Variants in LAT2 observed in about 807,000 individuals in gnomAD.
The protein encoded by LAT2 is linker for activation of T-cells family member 2.
LAT2 carries 23 observed loss-of-function variants against 43.4 expected under a neutral mutation model. That is an observed-to-expected ratio of 0.53 (90% CI 0.38 to 0.75). The LOEUF is 0.75. Ranked by LOEUF, LAT2 falls within the 30% of genes least tolerant of loss-of-function variation. LAT2 has a pLI of 0.00. For missense variants in LAT2, 284 were observed against 310.2 expected, an observed-to-expected ratio of 0.92 and a Z score of 0.64; for synonymous variants, 128 against 123.2, an observed-to-expected ratio of 1.04 and a Z score of -0.26.
intron 3 of LAT2, 86 bp downstream of exon 3, chr7:74,216,155 T>G (rs1584214220): frequency 8.7e-7 from 1 of 1,148,380 alleles, no homozygotes; most frequent in Non-Finnish European, 1.2e-6. Context: ...GTGGCTGTGG[T>G]CAGAAGAGGT....
chr7:74,224,299 G>C (rs1198644526), intron 12 of LAT2, 102 bp downstream of exon 12: 27 of 1,258,392 alleles, frequency 2.1e-5, no homozygotes, highest in Non-Finnish European at 2.9e-5. Context: ...AGCCAGTCCA[G>C]CTAACCCCGC....
At chr7:74,213,734 C>A (rs1178093351) in intron 1 of LAT2, among the ~76,000 whole-genome samples, 2 of 152,058 alleles carry the variant, frequency 1.3e-5, no homozygotes, top group African/African-American at 4.8e-5. Flanking sequence ...GAGCTCCTCC[C>A]TTTTAAGTCC....
Position 74,224,027 on chromosome 7 carries a change from A to G in LAT2, c.458A>G (p.Gln153Arg). ...TTCTCCCTCTCTGCAGGTGCCCAGC[A>G]GGAGGGCATAGGTGGCCTCTGCAGA... is the stretch of plus-strand genomic sequence containing the variant. ...KQKTTETGAQ[Q>R]EGIGGLCRGD... The change falls in exon 12 of 14, where the codon CAG becomes CGG. Residue 153 changes from glutamine to arginine, a missense_variant. Coordinates refer to ENST00000460943, the MANE Select transcript of LAT2 (RefSeq NM_032464.3). 1 of 1,613,834 alleles carries G rather than the reference A, an allele frequency of 6.2e-7. No individual in the cohort carries two copies. The highest frequency in any genetic ancestry group is 2.2e-5 in the East Asian group (1 of 44,878).
intron 13 of LAT2, chr7:74,225,725 G>T (rs548335439): frequency 6.6e-6 from 1 of 152,448 alleles, no homozygotes; most frequent in South Asian, 2.1e-4. Flanking sequence ...CCCCCAGAGG[G>T]CCTTGAAGGC....
At chr7:74,223,850 G>A in intron 11 of LAT2, 67 bp downstream of exon 11, 5 of 1,544,278 alleles carry the variant, frequency 3.2e-6, no homozygotes, top group South Asian at 1.1e-5. Context: ...AGGTGCCCCT[G>A]CACTCCCCAC....
chr7:74,221,870 CG>C (rs1199659850), intron 10 of LAT2, among the ~76,000 whole-genome samples, 178 bp downstream of exon 10: 1 of 66,754 alleles, frequency 1.5e-5, no homozygotes, highest in Non-Finnish European at 2.9e-5. Context: ...AGGGGGCGGG[CG>C]GGTCAGCGTG....
In LAT2 at chr7:74,220,755, C is replaced by CCCCCCTGCCTCGCCTCT. The variant is rs2116157211; in HGVS notation, c.332+31_332+47dup. On this transcript the variant is annotated intron_variant, in intron 9 of 13. Transcript: ENST00000460943. The surrounding 1 kb of genome is among the most constrained non-coding windows in gnomAD (Gnocchi z 4.5). ...TACATGTGAGTGACCTTGATCCTGT[C>CCCCCCTGCCTCGCCTCT]CCCCCTGCCTCGCCTCTCCCCCTGC... is the stretch of plus-strand genomic sequence containing the variant. The CCCCCCTGCCTCGCCTCT allele has an allele frequency of 2.0e-6, 3 of 1,533,664 alleles. No homozygotes were observed. The highest frequency in any genetic ancestry group is 2.4e-5 in the South Asian group (2 of 83,094).
At chr7:74,227,461 C>T (rs782747446) in intron 13 of LAT2, among the ~76,000 whole-genome samples, 1 of 152,020 alleles carries the variant, frequency 6.6e-6, no homozygotes, top group Non-Finnish European at 1.5e-5. Context: ...CTAAAGTGAT[C>T]GGCCCACCTC....
intron 1 of LAT2, 125 bp from the exon 2 acceptor site, chr7:74,214,697 A>G (rs1185778589): frequency 2.4e-5 from 2 of 83,924 alleles, no homozygotes; most frequent in African/African-American, 1.1e-4. Flanking sequence ...AATAATATAT[A>G]TAAATATATA....
chr7:74,224,559 TG>T, intron 12 of LAT2, 79 bp from the exon 13 acceptor site: 1 of 1,248,930 alleles, frequency 8.0e-7, no homozygotes. Context: ...TTGTGGAGTC[TG>T]GGGGTCTGAG....
chr7:74,224,660 C>CCAGGG lies in LAT2; in HGVS notation c.651_652insAGGGC (p.Pro218ArgfsTer19). Reference sequence around the variant, plus strand: ...ACAGGGCAACTCCAGAGAGAAGCATCCCCTGGCCCGGTGGGAAGCCCAGAC... The same window carrying CCAGGG: ...ACAGGGCAACTCCAGAGAGAAGCATCCAGGGCCCTGGCCCGGTGGGAAGCCCAGAC... On this transcript the variant is annotated frameshift_variant, in exon 13 of 14. Transcript: ENST00000460943. LOFTEE classifies it high-confidence loss of function. 1 of 1,605,004 alleles carries CCAGGG rather than the reference C, an allele frequency of 6.2e-7. No homozygotes were observed. Among genetic ancestry groups the CCAGGG allele is most frequent in the Non-Finnish European group, 8.5e-7 (1 of 1,176,086 alleles).
At chr7:74,228,150 T>C (rs1254295384) in intron 13 of LAT2, among the ~76,000 whole-genome samples, 1 of 104,906 alleles carries the variant, frequency 9.5e-6, no homozygotes, top group Non-Finnish European at 1.8e-5. Context: ...CACTCCAGCC[T>C]GGGCAACTAC....
chr7:74,224,508 C>G (rs1032397704), intron 12 of LAT2, 131 bp from the exon 13 acceptor site: 1 of 775,462 alleles, frequency 1.3e-6, no homozygotes, highest in Non-Finnish European at 2.2e-6. Flanking sequence ...CAGACACACA[C>G]CGCCAGGACC....
chr7:74,221,084 C>T (rs1163609209), intron 9 of LAT2, among the ~76,000 whole-genome samples: 1 of 152,110 alleles, frequency 6.6e-6, no homozygotes, highest in Non-Finnish European at 1.5e-5. Flanking sequence ...CATCATCTCA[C>T]AGATGGGCAA....
Position 74,224,610 on chromosome 7 carries a change from CGAT to C in LAT2, c.629-26_629-24del, listed in dbSNP as rs1190863330. The C allele has an allele frequency of 3.2e-6, 5 of 1,549,312 alleles. No homozygotes were observed. In the African/African-American group the frequency reaches 6.8e-5, roughly 21 times the overall value. On this transcript the variant is annotated intron_variant, in intron 12 of 13. Transcript: ENST00000460943. ...CATGGGTGTCTCCATGTGAACCACT[CGAT>C]GACCTGTCTGCCCGCTGGTCCACAG...
At chr7:74,221,442 G>A (rs1288680995) in intron 9 of LAT2, among the ~76,000 whole-genome samples, 195 bp from the exon 10 acceptor site, 1 of 139,622 alleles carries the variant, frequency 7.2e-6, no homozygotes, top group African/African-American at 3.0e-5. Flanking sequence ...AAAAAAAAGT[G>A]GCTCCAGCCC....
intron 10 of LAT2, among the ~76,000 whole-genome samples, chr7:74,223,493 A>C (rs1372681898): frequency 6.6e-6 from 1 of 152,086 alleles, no homozygotes; most frequent in Non-Finnish European, 1.5e-5. Flanking sequence ...TCTCAACAAG[A>C]AACAAAGAAG....
intron 4 of LAT2, among the ~76,000 whole-genome samples, chr7:74,217,775 G>C (rs1348508253): frequency 2.0e-5 from 3 of 152,178 alleles, no homozygotes; most frequent in Non-Finnish European, 4.4e-5. Context: ...TAAGAGAATG[G>C]CTGTGGGCCC....
chr7:74,214,496 AT>A lies in LAT2; in HGVS notation c.-218-325del, dbSNP rs1554713822. Among the ~76,000 whole-genome samples the A allele has an allele frequency of 1.2e-3, 45 of 37,230 alleles. 2 individuals carry two copies. Among genetic ancestry groups the A allele is most frequent in the East Asian group, 0.012 (9 of 764 alleles). The allele number at this position is 37,230 out of a possible 152,430, so 24.4% of individuals were successfully genotyped here. On this transcript the variant is annotated intron_variant, in intron 1 of 13. Coordinates refer to ENST00000460943, the MANE Select transcript of LAT2 (RefSeq NM_032464.3). The stretch of plus-strand genomic sequence containing the variant: ...AATATATATATATGAAAATATATAT[AT>A]AAATATATATATATGAAAATATATA...
Sources: gnomAD v4.1 joint callset for allele counts (sites outside exome capture counted in the v4.1 genomes callset) on GRCh38, gnomAD v4.1.1 for gene constraint, Gnocchi (gnomAD v3.1) non-coding constraint, MANE v1.5 for transcripts, NCBI Gene and HGNC (gene_info 2026-07-23, HGNC 2026-07-21) for gene names.